RBM19: variants seen among roughly 807,000 people sequenced by gnomAD.
The protein encoded by RBM19 is probable RNA-binding protein 19.
Under a neutral mutation model 116.8 loss-of-function variants are expected in RBM19, and 94 were observed. The ratio of observed to expected loss-of-function variants is 0.80; its 90% CI spans 0.68 to 0.95. The LOEUF (loss-of-function observed/expected upper bound fraction) is 0.95, where lower values mean the gene tolerates loss of function less well. RBM19 is among the 40% of genes least tolerant of loss of function. The pLI is 0.00. For missense variants in RBM19, 1,161 were observed against 1,220.7 expected (o/e 0.95, Z 0.73); for synonymous variants, 475 against 494.1 (o/e 0.96, Z 0.51).
intron 21 of RBM19, among the ~76,000 whole-genome samples, chr12:113,899,692 ACT>A: frequency 6.6e-6 from 1 of 152,310 alleles, no homozygotes; most frequent in African/African-American, 2.4e-5. Flanking sequence ...TTATTTCTTA[ACT>A]AAAAAGCAGT....
intron 21 of RBM19, among the ~76,000 whole-genome samples, chr12:113,908,683 C>G (rs1040543343): frequency 6.6e-6 from 1 of 151,284 alleles, no homozygotes; most frequent in African/African-American, 2.4e-5. Context: ...ACATCCCTGA[C>G]CCATGGCAGG....
intron 23 of RBM19, among the ~76,000 whole-genome samples, chr12:113,827,534 G>A (rs1874981184): frequency 6.6e-6 from 1 of 151,468 alleles, no homozygotes; most frequent in African/African-American, 2.4e-5. Flanking sequence ...GCGGGGGGGT[G>A]CGTCGGGAGG....
At chr12:113,845,938 A>G (rs999451060) in intron 22 of RBM19, among the ~76,000 whole-genome samples, 1 of 152,208 alleles carries the variant, frequency 6.6e-6, no homozygotes, top group African/African-American at 2.4e-5. Context: ...TTATCCATAA[A>G]ACGGGTATGT....
At chr12:113,936,342 A>G (rs1870060581) in intron 16 of RBM19, among the ~76,000 whole-genome samples, 1 of 152,188 alleles carries the variant, frequency 6.6e-6, no homozygotes, top group Non-Finnish European at 1.5e-5. Flanking sequence ...GAGGTCCTCG[A>G]TGCGGGGGAT....
At chr12:113,958,409 G>T (rs947431582) in intron 5 of RBM19, among the ~76,000 whole-genome samples, 2 of 152,066 alleles carry the variant, frequency 1.3e-5, no homozygotes, top group African/African-American at 2.4e-5. Context: ...TGAAATCCAG[G>T]CTCCTCATCA....
downstream of RBM19, among the ~76,000 whole-genome samples, chr12:113,819,140 C>A (rs4767134): frequency 9.2e-5 from 14 of 152,108 alleles, no homozygotes; most frequent in Non-Finnish European, 1.9e-4. Context: ...GGGTGGGAGA[C>A]GGACGTGAGG....
At chr12:113,934,037 C>G (rs10850245) in intron 16 of RBM19, among the ~76,000 whole-genome samples, 24,271 of 152,214 alleles carry the variant, frequency 0.16, 2,566 homozygotes, top group African/African-American at 0.3. Flanking sequence ...CTGCAGCCTC[C>G]ATCTTCCAGG....
At chr12:113,884,527 C>G (rs1371579302) in intron 21 of RBM19, among the ~76,000 whole-genome samples, 3 of 152,068 alleles carry the variant, frequency 2.0e-5, no homozygotes, top group Admixed American at 1.3e-4. Flanking sequence ...GGCCTCCCAC[C>G]ACAAATAATT....
chr12:113,945,400 G>C (rs1870927604), intron 13 of RBM19, among the ~76,000 whole-genome samples: 1 of 152,190 alleles, frequency 6.6e-6, no homozygotes, highest in South Asian at 2.1e-4. Flanking sequence ...CACCGGAGTT[G>C]GCCAGACCTG....
intron 23 of RBM19, among the ~76,000 whole-genome samples, chr12:113,828,430 C>T (rs561927191): frequency 1.3e-5 from 2 of 151,804 alleles, no homozygotes; most frequent in South Asian, 4.2e-4. Flanking sequence ...TGCTACTTCC[C>T]GAGACACAGG....
intron 21 of RBM19, among the ~76,000 whole-genome samples, chr12:113,889,215 A>C (rs1880766035): frequency 6.6e-6 from 1 of 152,148 alleles, no homozygotes; most frequent in Admixed American, 6.5e-5. Flanking sequence ...TGCCAGCAGC[A>C]CCCTTCAGGT....
intron 6 of RBM19, among the ~76,000 whole-genome samples, chr12:113,956,717 G>C (rs998822636): frequency 2.6e-5 from 4 of 152,160 alleles, no homozygotes; most frequent in Admixed American, 6.5e-5. Context: ...GGTCAGAGAC[G>C]AGTTGGCCGA....
chr12:113,909,760 C>G (rs1370525955), intron 21 of RBM19, among the ~76,000 whole-genome samples: 2 of 152,188 alleles, frequency 1.3e-5, no homozygotes, highest in Non-Finnish European at 2.9e-5. Flanking sequence ...ACCCACTTGA[C>G]TGTCTTCCTA....
rs780647272 is a variant in RBM19 at position 113,955,247 on chromosome 12, C to T, written c.841-36G>A. The T allele has an allele frequency of 1.2e-5, 19 of 1,595,276 alleles. No homozygotes were observed. The African/African-American group carries it at 2.3e-4, about 19-fold the overall frequency. Reference sequence around the variant, plus strand: ...ACAAAAACAAACAGAAGTGGCCACACTAACCCTTCGTACAGCTGCAGGAGG... The same window carrying T: ...ACAAAAACAAACAGAAGTGGCCACATTAACCCTTCGTACAGCTGCAGGAGG... On this transcript the variant is annotated intron_variant, in intron 6 of 23. Transcript: ENST00000261741.
intron 21 of RBM19, among the ~76,000 whole-genome samples, chr12:113,875,376 C>T (rs770607761): frequency 6.6e-6 from 1 of 152,298 alleles, no homozygotes; most frequent in African/African-American, 2.4e-5. Flanking sequence ...ACAAAGAACT[C>T]GATTCAATTA....
intron 4 of RBM19, 130 bp from the exon 5 acceptor site, chr12:113,959,534 C>T: frequency 8.9e-7 from 1 of 1,127,038 alleles, no homozygotes; most frequent in Non-Finnish European, 1.2e-6. Flanking sequence ...TAATTTCCCC[C>T]ATTCTCTGGA....
chr12:113,962,329 A>T lies in RBM19; in HGVS notation c.122T>A (p.Phe41Tyr), dbSNP rs771175844. Residue 41 changes from phenylalanine (F) to tyrosine (Y), a missense_variant, in exon 2 of 24, where the codon TTC (phenylalanine) becomes TAC (tyrosine). By Grantham distance (22) the Phe-to-Tyr change is conservative (BLOSUM62 3). Transcript: ENST00000261741. ...CSLKFTKDGKFRKFGFIGFKS... is the reference protein window; with the variant it reads ...CSLKFTKDGKYRKFGFIGFKS... ...GAAGCCAATAAAACCAAACTTGCGG[A>T]ACTTGCCATCTTTGGTGAACTTCAG... 3.7e-6 allele frequency: 6 copies of T among 1,614,250 alleles called. No homozygotes were observed. In the South Asian group the frequency reaches 6.6e-5, roughly 18 times the overall value.
intron 22 of RBM19, among the ~76,000 whole-genome samples, chr12:113,846,610 A>G (rs1329467845): frequency 6.6e-6 from 1 of 152,220 alleles, no homozygotes; most frequent in Admixed American, 6.5e-5. Flanking sequence ...TGTCCCCAGC[A>G]GCCAGGGGAG....
chr12:113,827,222 T>G (rs958438323), intron 23 of RBM19, among the ~76,000 whole-genome samples: 1 of 152,176 alleles, frequency 6.6e-6, no homozygotes, highest in African/African-American at 2.4e-5. Flanking sequence ...TCTTTCAGTA[T>G]TACAGCTGCA....
Sources: gnomAD v4.1 joint callset for allele counts (sites outside exome capture counted in the v4.1 genomes callset) on GRCh38, gnomAD v4.1.1 for gene constraint, MANE v1.5 for transcripts, NCBI Gene and HGNC (gene_info 2026-07-23, HGNC 2026-07-21) for gene names.